Variants in STK3 observed in about 807,000 individuals in gnomAD.
STK3 encodes serine/threonine kinase 3.
A neutral mutation model predicts 58.0 loss-of-function variants in STK3; 41 were observed. That is an observed-to-expected ratio of 0.71 (90% CI 0.55 to 0.92). The LOEUF (loss-of-function observed/expected upper bound fraction) is 0.92, where lower values mean the gene tolerates loss of function less well. STK3 is among the 40% of genes least tolerant of loss of function. The pLI, the probability that STK3 is intolerant of heterozygous loss-of-function variation, is 0.00. For missense variants in STK3, 479 were observed against 602.7 expected (o/e 0.79, Z 2.15); for synonymous variants, 170 against 191.0 (o/e 0.89, Z 0.91).
chr8:98,380,077 T>C lies in STK3; in HGVS notation n.57-870A>G, dbSNP rs1162141406. ...TGACAAATACTGTGTGATTCCACTT[T>C]ATGAGGTATCTAAAATAGTCAAATT... is the stretch of plus-strand genomic sequence containing the variant. On this transcript the variant is annotated intron_variant and non_coding_transcript_variant, in intron 1 of 2. Coordinates refer to the STK3 transcript ENST00000518704. 2.0e-5 allele frequency among the ~76,000 whole-genome samples: 3 copies of C among 152,342 alleles called. No individual in the cohort carries two copies. The East Asian group carries it at 5.8e-4, about 29-fold the overall frequency.
At chr8:98,425,465 G>T (rs1459211780) in intron 3 of STK3, among the ~76,000 whole-genome samples, 2 of 152,186 alleles carry the variant, frequency 1.3e-5, no homozygotes, top group Admixed American at 6.5e-5. Context: ...CCTGGGGAAA[G>T]GTCATACACA....
chr8:98,359,344 TAAAAAAAAAAAA>T, the STK3 span, among the ~76,000 whole-genome samples: 60 of 55,724 alleles, frequency 1.1e-3, 1 homozygote, highest in East Asian at 0.019. Context: ...CCATCTCAAC[TAAAAAAAAAAAA>T]AAAAAAAAAA....
chr8:98,683,228 T>C (rs1229329326), intron 6 of STK3, among the ~76,000 whole-genome samples: 4 of 152,122 alleles, frequency 2.6e-5, no homozygotes, highest in South Asian at 2.1e-4. Context: ...AATAAATAAA[T>C]TGTGCTAAGT....
chr8:98,835,630 T>G (rs1835718783), intron 3 of STK3, among the ~76,000 whole-genome samples: 1 of 152,146 alleles, frequency 6.6e-6, no homozygotes, highest in Non-Finnish European at 1.5e-5. Flanking sequence ...TTGAGACACC[T>G]CACCATGAAC....
chr8:98,802,110 T>C (rs1439235752), intron 1 of STK3, among the ~76,000 whole-genome samples: 1 of 152,144 alleles, frequency 6.6e-6, no homozygotes, highest in Non-Finnish European at 1.5e-5. Flanking sequence ...AGTATGAGGT[T>C]ATAGTGAGCT....
chr8:98,786,647 G>A (rs542353192), intron 1 of STK3, among the ~76,000 whole-genome samples: 1 of 152,276 alleles, frequency 6.6e-6, no homozygotes, highest in African/African-American at 2.4e-5. Flanking sequence ...ATTATGTAAA[G>A]CGATCAAACC....
At chr8:98,933,727 G>T (rs1172698485) in intron 1 of STK3, among the ~76,000 whole-genome samples, 1 of 152,106 alleles carries the variant, frequency 6.6e-6, no homozygotes, top group Non-Finnish European at 1.5e-5. Context: ...ACTCAAACTT[G>T]CCCCAAGCCA....
the STK3 span, among the ~76,000 whole-genome samples, chr8:98,361,121 AC>A: frequency 1.4e-3 from 220 of 152,212 alleles, no homozygotes; most frequent in Non-Finnish European, 2.4e-3. Flanking sequence ...TACACTGAGT[AC>A]CCCCCTTCCC....
In STK3 at chr8:98,807,152, CA is replaced by C. The variant is rs1039866302; in HGVS notation, c.26+18362del. Among the ~76,000 whole-genome samples, 197 of 55,242 alleles carry C rather than the reference CA, an allele frequency of 3.6e-3. 1 individual carries two copies. The highest frequency in any genetic ancestry group is 7.7e-3 in the Admixed American group (38 of 4,932). 36.2% of individuals were successfully genotyped at this position (55,242 alleles called of 152,430 possible). A position where few individuals can be genotyped will look rare whatever the true frequency, so the allele number is the denominator to read the frequency against. The stretch of plus-strand genomic sequence containing the variant: ...CTGGGCGACAAGCGAGACTCCGTCT[CA>C]AAAAAAAAAAAAAAAAAAGGATTAG... On this transcript the variant is annotated intron_variant, in intron 1 of 10. Transcript: ENST00000419617.
intron 7 of STK3, among the ~76,000 whole-genome samples, chr8:98,588,467 C>T (rs1490807162): frequency 5.1e-4 from 78 of 151,566 alleles, no homozygotes; most frequent in East Asian, 2.1e-3. Flanking sequence ...CTGAGAGATC[C>T]GCTGTTAGTC....
chr8:98,510,658 A>C (rs1397882461), intron 10 of STK3, among the ~76,000 whole-genome samples: 1 of 151,962 alleles, frequency 6.6e-6, no homozygotes, highest in African/African-American at 2.4e-5. Context: ...TCAATTTAAA[A>C]ATTTCTCTTA....
At chr8:98,585,045 T>A (rs1814375227) in intron 7 of STK3, among the ~76,000 whole-genome samples, 1 of 150,532 alleles carries the variant, frequency 6.6e-6, no homozygotes, top group Admixed American at 6.6e-5. Context: ...TTCTGTAGGT[T>A]GCCTGTTCAC....
At chr8:98,625,048 A>G (rs1371050080) in intron 6 of STK3, among the ~76,000 whole-genome samples, 1 of 152,210 alleles carries the variant, frequency 6.6e-6, no homozygotes, top group Non-Finnish European at 1.5e-5. Flanking sequence ...GGTAATTAAA[A>G]TAAAATCCTC....
At chr8:98,697,166 T>C (rs1221548083) in intron 6 of STK3, among the ~76,000 whole-genome samples, 4 of 152,260 alleles carry the variant, frequency 2.6e-5, no homozygotes, top group African/African-American at 4.8e-5. Context: ...TAGTATTCTC[T>C]GATGGTAGTT....
At chr8:98,573,001 A>T (rs1387969981) in intron 8 of STK3, among the ~76,000 whole-genome samples, 2 of 152,192 alleles carry the variant, frequency 1.3e-5, no homozygotes, top group African/African-American at 4.8e-5. Flanking sequence ...TTGAATATGG[A>T]CAGGACCAAG....
downstream of STK3, among the ~76,000 whole-genome samples, chr8:98,368,713 G>C (rs1167442529): frequency 6.6e-6 from 1 of 152,202 alleles, no homozygotes; most frequent in Admixed American, 6.5e-5. Flanking sequence ...TATCATGCTT[G>C]ATTGTTTGTC....
intron 1 of STK3, among the ~76,000 whole-genome samples, chr8:98,803,592 T>TAAA (rs1833713895): frequency 1.3e-5 from 1 of 76,118 alleles, no homozygotes. Flanking sequence ...AGACTCTGTT[T>TAAA]CAAAAAAAAA....
chr8:98,919,075 G>A (rs1013722404), intron 1 of STK3, among the ~76,000 whole-genome samples: 2 of 152,072 alleles, frequency 1.3e-5, no homozygotes, highest in Non-Finnish European at 1.5e-5. Context: ...GATTTCGCAA[G>A]CAAGATCTGC....
chr8:98,545,956 C>A (rs755453922), intron 9 of STK3, among the ~76,000 whole-genome samples: 16 of 152,230 alleles, frequency 1.1e-4, no homozygotes, highest in Middle Eastern at 3.4e-3. Flanking sequence ...TGCTATACTA[C>A]AATATGACAA....
Sources: gnomAD v4.1 joint callset for allele counts (sites outside exome capture counted in the v4.1 genomes callset) on GRCh38, gnomAD v4.1.1 for gene constraint, MANE v1.5 for transcripts, NCBI Gene and HGNC (gene_info 2026-07-23, HGNC 2026-07-21) for gene names.